NLRP3: variants seen among roughly 807,000 people sequenced by gnomAD.
The protein encoded by NLRP3 is NACHT, LRR and PYD domains-containing protein 3.
A neutral mutation model predicts 91.3 loss-of-function variants in NLRP3; 48 were observed. The observed-to-expected ratio is 0.53, with a 90% confidence interval of 0.42 to 0.67. NLRP3 has a LOEUF of 0.67. NLRP3 is among the 30% of genes least tolerant of loss of function. The pLI, the probability that NLRP3 is intolerant of heterozygous loss-of-function variation, is 0.00. For synonymous variants in NLRP3, 561 were observed against 507.9 expected (o/e 1.10, Z -1.41); for missense variants, 982 against 1,276.9 (o/e 0.77, Z 3.52).
chr1:247,447,410 C>T (rs1402242092), intron 9 of NLRP3, among the ~76,000 whole-genome samples: 1 of 152,186 alleles, frequency 6.6e-6, no homozygotes, highest in Non-Finnish European at 1.5e-5. Flanking sequence ...AAGGGCCTCA[C>T]CTTTAAGTAC....
intron 1 of NLRP3, among the ~76,000 whole-genome samples, chr1:247,417,764 G>C (rs1662161874): frequency 6.6e-6 from 1 of 152,124 alleles, no homozygotes; most frequent in Admixed American, 6.6e-5. Context: ...GGGATTACAG[G>C]GATGTATGTT....
In NLRP3 at chr1:247,418,577, C is replaced by G. The variant is rs1662213611; in HGVS notation, c.-224C>G. 2 of 555,132 alleles carry G rather than the reference C, an allele frequency of 3.6e-6. No individual in the cohort carries two copies. Among genetic ancestry groups the G allele is most frequent in the Admixed American group, 5.8e-5 (2 of 34,246 alleles). The allele number at this position is 555,132 out of a possible 1,614,324, so 34.4% of individuals were successfully genotyped here. On this transcript the variant is annotated 5_prime_UTR_variant, in exon 2 of 10. Coordinates refer to ENST00000336119, the MANE Select transcript of NLRP3 (RefSeq NM_001243133.2). ...TTGGCCTCTCAAAGTGCTGGGATTA[C>G]AGGCGTGAGCCACTGTGCCCGGCCT...
rs186013529 is a variant in NLRP3, at chr1:247,448,773, G to A, written c.*269G>A. On this transcript the variant is annotated 3_prime_UTR_variant, in exon 10 of 10. Transcript: ENST00000336119. ...TCAGTTAGAGGATGTTCCTCTTGGT[G>A]ACCTCATGTAATTAGCTCATTCAAT... is the stretch of plus-strand genomic sequence containing the variant. 3 of 509,836 alleles carry A rather than the reference G, an allele frequency of 5.9e-6. No homozygotes were observed. In the East Asian group the frequency reaches 1.0e-4, roughly 17 times the overall value. 31.6% of individuals were successfully genotyped at this position (509,836 alleles called of 1,614,324 possible). A position where few individuals can be genotyped will look rare whatever the true frequency, so the allele number is the denominator to read the frequency against.
chr1:247,439,899 AG>A (rs1444694737), intron 7 of NLRP3, among the ~76,000 whole-genome samples: 1 of 152,176 alleles, frequency 6.6e-6, no homozygotes, highest in African/African-American at 2.4e-5. Context: ...CTCTGCAAAA[AG>A]CACATTTGTA....
chr1:247,438,980 A>ATTG (rs1444607939), intron 7 of NLRP3, among the ~76,000 whole-genome samples: 1 of 150,458 alleles, frequency 6.6e-6, no homozygotes, highest in East Asian at 2.0e-4. Context: ...CCATCCATCC[A>ATTG]TCCATCCATC....
chr1:247,444,070 C>G lies in NLRP3; in HGVS notation c.2762C>G (p.Thr921Ser), dbSNP rs375452813. Residue 921 changes from threonine (T) to serine (S), a missense_variant, in exon 8 of 10, where the codon ACT (threonine) becomes AGT (serine). Physicochemically the swap from Thr to Ser is moderately conservative, Grantham distance 58 (BLOSUM62 1). Coordinates refer to ENST00000336119, the MANE Select transcript of NLRP3 (RefSeq NM_001243133.2). ...NLTHLYLRGN[T>S]LGDKGIKLLC... ...ACGCACCTTTACCTGCGAGGCAACA[C>G]TCTCGGAGACAAGGGGATCAAACTA... 5 of 1,614,048 alleles carry G rather than the reference C, an allele frequency of 3.1e-6. No individual in the cohort carries two copies. In the African/African-American group the frequency reaches 6.7e-5, roughly 22 times the overall value.
chr1:247,427,258 G>T lies in NLRP3; in HGVS notation c.2150+1659G>T, dbSNP rs141336639. ...CTCATAACTTAACCACACCTCAAAG[G>T]CCCCATCGCCTGATACGTCATGTTG... On this transcript the variant is annotated intron_variant, in intron 4 of 9. Coordinates refer to ENST00000336119, the MANE Select transcript of NLRP3 (RefSeq NM_001243133.2). 8.5e-5 allele frequency among the ~76,000 whole-genome samples: 13 copies of T among 152,248 alleles called. No homozygotes were observed. The East Asian group carries it at 2.5e-3, about 29-fold the overall frequency.
intron 6 of NLRP3, among the ~76,000 whole-genome samples, chr1:247,434,714 C>G (rs1208166656): frequency 6.6e-6 from 1 of 152,032 alleles, no homozygotes; most frequent in African/African-American, 2.4e-5. Context: ...GAGAAAAAAC[C>G]ACTTAAAAAT....
chr1:247,428,735 G>T (rs994654923), intron 4 of NLRP3, among the ~76,000 whole-genome samples: 4 of 152,112 alleles, frequency 2.6e-5, no homozygotes, highest in African/African-American at 9.7e-5. Flanking sequence ...CAAGAGGATT[G>T]CTTGAGCCCA....
chr1:247,423,758 C>T, intron 3 of NLRP3, 89 bp from the exon 4 acceptor site: 2 of 1,164,428 alleles, frequency 1.7e-6, no homozygotes, highest in Non-Finnish European at 2.5e-6. Context: ...TTCCGGTTAC[C>T]ACTCGCTTCC....
intron 7 of NLRP3, among the ~76,000 whole-genome samples, chr1:247,437,784 C>T (rs912719807): frequency 5.3e-5 from 8 of 152,146 alleles, no homozygotes; most frequent in Admixed American, 2.6e-4. Flanking sequence ...GGAGTGACGG[C>T]GAGGGGTGCT....
At chr1:247,423,794 A>T in intron 3 of NLRP3, 53 bp from the exon 4 acceptor site, 1 of 1,500,156 alleles carries the variant, frequency 6.7e-7, no homozygotes, top group Non-Finnish European at 9.2e-7. Context: ...CTGAGAGCGC[A>T]TCTCAGGTGG....
intron 9 of NLRP3, among the ~76,000 whole-genome samples, chr1:247,447,294 A>G (rs1664642872): frequency 6.6e-6 from 1 of 152,174 alleles, no homozygotes; most frequent in African/African-American, 2.4e-5. Context: ...CAAGGGAGAG[A>G]AGACAGGGGA....
chr1:247,448,471 T>A lies in NLRP3; in HGVS notation c.3072T>A (p.Pro1024=), dbSNP rs767545090. Residue 1024 remains proline (P), a synonymous_variant, in exon 10 of 10, where the codon CCT becomes CCA. Coordinates refer to ENST00000336119, the MANE Select transcript of NLRP3 (RefSeq NM_001243133.2). Reference sequence around the variant, plus strand: ...TAGAAACACTTCAAGAAGAAAAGCCTGAGCTGACCGTCGTCTTTGAGCCTT... The same window carrying A: ...TAGAAACACTTCAAGAAGAAAAGCCAGAGCTGACCGTCGTCTTTGAGCCTT... ...SALETLQEEK[P]ELTVVFEPSW is the part of the protein sequence containing the mutation. 3 of 1,613,614 alleles carry A rather than the reference T, an allele frequency of 1.9e-6. No individual in the cohort carries two copies. Among genetic ancestry groups the A allele is most frequent in the Non-Finnish European group, 2.5e-6 (3 of 1,179,532 alleles).
intron 2 of NLRP3, among the ~76,000 whole-genome samples, chr1:247,420,529 C>T (rs1445662019): frequency 6.6e-6 from 1 of 151,934 alleles, no homozygotes; most frequent in Non-Finnish European, 1.5e-5. Flanking sequence ...GCCTGGCCAA[C>T]ATGGCAAAAC....
intron 7 of NLRP3, 43 bp downstream of exon 7, chr1:247,436,183 C>A: frequency 6.3e-7 from 1 of 1,599,014 alleles, no homozygotes; most frequent in Non-Finnish European, 8.6e-7. Flanking sequence ...AACTTCTTTT[C>A]AGAGGTGAAT....
At chr1:247,448,076 G>A (rs1232738532) in intron 9 of NLRP3, among the ~76,000 whole-genome samples, 2 of 151,468 alleles carry the variant, frequency 1.3e-5, no homozygotes, top group East Asian at 1.9e-4. Flanking sequence ...GTCATTGGAG[G>A]TGCTCACAGT....
chr1:247,429,944 G>A (rs1192594480), intron 5 of NLRP3, among the ~76,000 whole-genome samples, 189 bp downstream of exon 5: 4 of 151,754 alleles, frequency 2.6e-5, no homozygotes, highest in Admixed American at 6.6e-5. Context: ...CCGTGACCTC[G>A]GCTCACTGCA....
chr1:247,444,197 G>T, intron 8 of NLRP3, 55 bp downstream of exon 8: 5 of 1,566,588 alleles, frequency 3.2e-6, no homozygotes, highest in Non-Finnish European at 3.5e-6. Flanking sequence ...AAGGGTGGAG[G>T]GACGTTTAGG....
Sources: allele counts gnomAD v4.1 joint callset (sites outside exome capture counted in the v4.1 genomes callset), GRCh38; gene constraint gnomAD v4.1.1; transcripts MANE v1.5; gene names NCBI Gene and HGNC (gene_info 2026-07-23, HGNC 2026-07-21).